GPR35: variants seen among roughly 807,000 people sequenced by gnomAD.
GPR35 encodes the protein KYNA receptor.
For synonymous variants in GPR35, 207 were observed against 198.4 expected (o/e 1.04, Z -0.36); for missense variants, 372 against 422.5 (o/e 0.88, Z 1.05).
intron 2 of GPR35, among the ~76,000 whole-genome samples, chr2:240,615,980 C>A (rs1187019245): frequency 6.6e-6 from 1 of 152,164 alleles, no homozygotes; most frequent in African/African-American, 2.4e-5. Context: ...TCATTCAGGC[C>A]CAACCGCAGT....
intron 2 of GPR35, among the ~76,000 whole-genome samples, chr2:240,613,566 C>T (rs956190250): frequency 6.6e-6 from 1 of 152,030 alleles, no homozygotes; most frequent in Non-Finnish European, 1.5e-5. Context: ...GGACTCCAAC[C>T]CTAATGCTAA....
intron 2 of GPR35, among the ~76,000 whole-genome samples, chr2:240,608,287 G>A (rs1172777596): frequency 1.3e-5 from 2 of 152,156 alleles, no homozygotes; most frequent in Non-Finnish European, 2.9e-5. Context: ...ATTTCCTCTG[G>A]CTGGGACCTC....
In GPR35 at chr2:240,631,153, A is replaced by C; in HGVS notation, c.*271A>C. On this transcript the variant is annotated 3_prime_UTR_variant, in exon 2 of 2. Transcript: ENST00000407714. Reference sequence around the variant, plus strand: ...CCTCACACTTGCCACCCCCAGAACCAGCTCACCTGGCCAGAGTGGGTTCCT... The same window carrying C: ...CCTCACACTTGCCACCCCCAGAACCCGCTCACCTGGCCAGAGTGGGTTCCT... 5.8e-6 allele frequency: 3 copies of C among 515,196 alleles called. No homozygotes were observed. In the South Asian group the frequency reaches 8.0e-5, roughly 14 times the overall value. The allele number at this position is 515,196 out of a possible 1,614,324, so 31.9% of individuals were successfully genotyped here.
chr2:240,622,985 G>GT (rs1391577697), upstream of GPR35, among the ~76,000 whole-genome samples: 1 of 152,236 alleles, frequency 6.6e-6, no homozygotes, highest in African/African-American at 2.4e-5. Flanking sequence ...CCTGCCATCT[G>GT]GCCTCTCGAA....
chr2:240,621,792 G>A (rs1298229762), upstream of GPR35, among the ~76,000 whole-genome samples: 1 of 152,232 alleles, frequency 6.6e-6, no homozygotes, highest in East Asian at 1.9e-4. Flanking sequence ...GAACACCCCA[G>A]CTTTAACTTT....
intron 2 of GPR35, among the ~76,000 whole-genome samples, chr2:240,610,290 C>T (rs11688059): frequency 6.6e-6 from 1 of 152,114 alleles, no homozygotes; most frequent in South Asian, 2.1e-4. Flanking sequence ...TTGCAATATT[C>T]CCTATACTAA....
upstream of GPR35, among the ~76,000 whole-genome samples, chr2:240,623,290 C>T (rs2043319724): frequency 6.7e-6 from 1 of 148,346 alleles, no homozygotes; most frequent in Non-Finnish European, 1.5e-5. Flanking sequence ...GGGTGAAGGG[C>T]TGGAAACAGG....
At chr2:240,613,239 C>G (rs2043204031) in intron 2 of GPR35, among the ~76,000 whole-genome samples, 3 of 152,110 alleles carry the variant, frequency 2.0e-5, no homozygotes, top group Admixed American at 6.5e-5. Context: ...ACAAGAAACA[C>G]TGACCAGGCC....
At chr2:240,615,145 G>A (rs138169961) in intron 2 of GPR35, among the ~76,000 whole-genome samples, 20 of 152,174 alleles carry the variant, frequency 1.3e-4, no homozygotes, top group Admixed American at 5.9e-4. Context: ...ACACATACAC[G>A]TGGACAGGCG....
At chr2:240,610,026 C>T (rs2043167654) in intron 2 of GPR35, among the ~76,000 whole-genome samples, 1 of 151,476 alleles carries the variant, frequency 6.6e-6, no homozygotes. Context: ...GTGGCGCAAT[C>T]TCAGCTCACT....
intron 2 of GPR35, among the ~76,000 whole-genome samples, chr2:240,614,890 GTGTATATA>G (rs1277150637): frequency 2.6e-5 from 4 of 152,090 alleles, no homozygotes; most frequent in Admixed American, 1.3e-4. Context: ...ATATGTGTAT[GTGTATATA>G]TGTATATATG....
chr2:240,610,738 G>C (rs1283253506), intron 2 of GPR35, among the ~76,000 whole-genome samples: 1 of 151,572 alleles, frequency 6.6e-6, no homozygotes, highest in African/African-American at 2.4e-5. Context: ...TGGTTCAAGT[G>C]ATTCTCCTGC....
At chr2:240,625,835 CAG>C (rs1215807424) in intron 1 of GPR35, among the ~76,000 whole-genome samples, 1 of 88,434 alleles carries the variant, frequency 1.1e-5, no homozygotes, top group Non-Finnish European at 2.2e-5. Flanking sequence ...ATGGGTGTCT[CAG>C]AGTGGGGTGA....
rs149238763 is a variant in GPR35, at chr2:240,616,062, C to T, written c.-576-326C>T. Among the ~76,000 whole-genome samples the T allele has an allele frequency of 3.1e-4, 47 of 152,082 alleles. 1 individual carries two copies. In the East Asian group the frequency reaches 7.7e-3, roughly 25 times the overall value. ...GGCACTTTCCACCCTTAGCCTCCTC[C>T]ACGGTTCCCCAGGCCAGATCCTTTT... On this transcript the variant is annotated intron_variant, in intron 2 of 5. Coordinates refer to the GPR35 transcript ENST00000319838.
At chr2:240,618,926 C>T (rs750456246) in exon 5 of GPR35, 1 of 701,658 alleles carries the variant, frequency 1.4e-6, no homozygotes, top group South Asian at 1.5e-5. Context: ...TTCATTCAAC[C>T]TGGGCCCTTG....
chr2:240,619,083 C>A (rs928750776), intron 5 of GPR35: 30 of 689,344 alleles, frequency 4.4e-5, no homozygotes, highest in Admixed American at 2.1e-5. Flanking sequence ...AAATGCATCT[C>A]TAATTTGGCT....
chr2:240,621,697 A>G (rs1199350311), upstream of GPR35, among the ~76,000 whole-genome samples: 1 of 152,240 alleles, frequency 6.6e-6, no homozygotes, highest in Non-Finnish European at 1.5e-5. Context: ...AAGGAAGTGG[A>G]GGCAAGTCAG....
upstream of GPR35, among the ~76,000 whole-genome samples, chr2:240,623,961 T>C (rs2043337991): frequency 7.7e-6 from 1 of 129,812 alleles, no homozygotes; most frequent in African/African-American, 2.8e-5. Flanking sequence ...TGGGGAGGAG[T>C]GATGCCCAGC....
intron 3 of GPR35, chr2:240,617,006 C>T (rs371026379): frequency 5.2e-6 from 4 of 763,568 alleles, no homozygotes; most frequent in African/African-American, 1.7e-5. Flanking sequence ...TGAATCTCAT[C>T]TTAGCTGAGC....
Sources: gnomAD v4.1 joint callset for allele counts (sites outside exome capture counted in the v4.1 genomes callset) on GRCh38, gnomAD v4.1.1 for gene constraint, MANE v1.5 for transcripts, NCBI Gene and HGNC (gene_info 2026-07-23, HGNC 2026-07-21) for gene names.